The following EVI5 variants were observed in gnomAD, a reference collection of about 807,000 sequenced individuals.
EVI5 encodes ecotropic viral integration site 5.
In EVI5, 73 loss-of-function variants were observed where a neutral mutation model predicts 112.0. The ratio of observed to expected loss-of-function variants is 0.65; its 90% confidence interval spans 0.54 to 0.79. The LOEUF is 0.79. Among genes scored for constraint, EVI5 ranks in the 30% least tolerant of loss-of-function variants. The pLI is 0.00. For missense variants in EVI5, 900 were observed against 968.8 expected (o/e 0.93, Z 0.94); for synonymous variants, 305 against 319.9 (o/e 0.95, Z 0.50).
chr1:92,580,328 A>G (rs1362485140), intron 18 of EVI5: 3 of 152,250 alleles, frequency 2.0e-5, no homozygotes, highest in Non-Finnish European at 2.9e-5. Context: ...TATTGCATTC[A>G]TAACAACCAA....
intron 13 of EVI5, among the ~76,000 whole-genome samples, chr1:92,638,115 C>T (rs10874728): frequency 0.92 from 140,221 of 152,174 alleles, 64,688 homozygotes; most frequent in East Asian, 0.97. Flanking sequence ...GCAACTGTAG[C>T]ACAGGTTTGT....
chr1:92,522,646 A>AAAAAC (rs1661156600), intron 19 of EVI5, among the ~76,000 whole-genome samples: 1 of 151,596 alleles, frequency 6.6e-6, no homozygotes, highest in African/African-American at 2.4e-5. Flanking sequence ...AAAAAAAAAA[A>AAAAAC]AAAAAGAATT....
At chr1:92,738,474 A>C (rs570507842) in intron 1 of EVI5, among the ~76,000 whole-genome samples, 2 of 152,308 alleles carry the variant, frequency 1.3e-5, no homozygotes, top group East Asian at 3.9e-4. Context: ...CATTATATTA[A>C]ACTCCCCTAC....
chr1:92,685,041 T>C (rs948641045), intron 9 of EVI5, among the ~76,000 whole-genome samples: 1 of 151,882 alleles, frequency 6.6e-6, no homozygotes, highest in Non-Finnish European at 1.5e-5. Context: ...AACTCAGCTC[T>C]GGACCAAGCA....
chr1:92,511,537 T>A lies in EVI5; in HGVS notation c.*2119A>T, dbSNP rs1223564840. The A allele has an allele frequency of 6.6e-6, 1 of 152,084 alleles. No individual in the cohort carries two copies. The highest frequency in any genetic ancestry group is 2.4e-5 in the African/African-American group (1 of 41,402). 9.4% of individuals were successfully genotyped at this position (152,084 alleles called of 1,614,324 possible). A position where few individuals can be genotyped will look rare whatever the true frequency, so the allele number is the denominator to read the frequency against. On this transcript the variant is annotated 3_prime_UTR_variant, in exon 20 of 20. Transcript: ENST00000684568. ...GCTTTGGTGTTAGGGAGATCTAGGT[T>A]AAAATCTTGGCTCTTGCTGGGAGCA...
At chr1:92,537,060 A>C (rs931229280) in intron 19 of EVI5, among the ~76,000 whole-genome samples, 1 of 152,172 alleles carries the variant, frequency 6.6e-6, no homozygotes, top group Admixed American at 6.5e-5. Flanking sequence ...ACTTTCTGAG[A>C]TTCAAAAGAA....
intron 18 of EVI5, among the ~76,000 whole-genome samples, chr1:92,585,647 TA>T (rs997214977): frequency 3.3e-5 from 5 of 151,968 alleles, no homozygotes; most frequent in Non-Finnish European, 7.4e-5. Flanking sequence ...AAACTAGTTT[TA>T]AAAAAAATTA....
chr1:92,706,737 C>T (rs902778275), intron 2 of EVI5, among the ~76,000 whole-genome samples: 3 of 152,018 alleles, frequency 2.0e-5, no homozygotes, highest in African/African-American at 7.2e-5. Flanking sequence ...ATAGCACATC[C>T]AATTATACAA....
chr1:92,701,297 T>A (rs1026627496), intron 5 of EVI5, among the ~76,000 whole-genome samples: 1 of 152,184 alleles, frequency 6.6e-6, no homozygotes, highest in Non-Finnish European at 1.5e-5. Context: ...CTATCTCCTA[T>A]GAGCCAAACA....
intron 18 of EVI5, among the ~76,000 whole-genome samples, chr1:92,594,957 AC>A (rs1647317069): frequency 6.6e-6 from 1 of 152,254 alleles, no homozygotes; most frequent in African/African-American, 2.4e-5. Context: ...ACACTTGTAC[AC>A]TGTTGGTGGG....
At chr1:92,734,567 G>T (rs1055345054) in intron 2 of EVI5, among the ~76,000 whole-genome samples, 4 of 151,974 alleles carry the variant, frequency 2.6e-5, no homozygotes, top group Admixed American at 2.6e-4. Flanking sequence ...ACCTCCAACA[G>T]AAAATATTTC....
chr1:92,636,111 AC>A, intron 14 of EVI5, 90 bp downstream of exon 14: 1 of 1,059,238 alleles, frequency 9.4e-7, no homozygotes, highest in Non-Finnish European at 1.4e-6. Context: ...GTATAAAAAC[AC>A]CAAGTCAATT....
At chr1:92,708,245 A>C (rs985778499) in intron 2 of EVI5, among the ~76,000 whole-genome samples, 2 of 152,182 alleles carry the variant, frequency 1.3e-5, no homozygotes, top group Admixed American at 1.3e-4. Context: ...CTTGCGAATC[A>C]TAAGGGACTT....
At chr1:92,663,397 C>A in intron 12 of EVI5, 23 bp downstream of exon 12, 1 of 1,331,758 alleles carries the variant, frequency 7.5e-7, no homozygotes, top group Non-Finnish European at 1.0e-6. Flanking sequence ...TTTTAAAAAA[C>A]TAAAACAAAA....
chr1:92,782,116 G>A (rs1684943574), intron 1 of EVI5, among the ~76,000 whole-genome samples: 3 of 151,744 alleles, frequency 2.0e-5, no homozygotes, highest in Admixed American at 6.6e-5. Context: ...AAAATTAGCC[G>A]GGCATGGTGG....
chr1:92,685,210 A>G (rs997077006), intron 9 of EVI5, among the ~76,000 whole-genome samples: 7 of 152,222 alleles, frequency 4.6e-5, no homozygotes, highest in Non-Finnish European at 8.8e-5. Context: ...ACGGTCTCTC[A>G]GACAACAGTG....
intron 16 of EVI5, among the ~76,000 whole-genome samples, chr1:92,620,359 A>G (rs1050869646): frequency 2.0e-5 from 3 of 151,506 alleles, no homozygotes; most frequent in South Asian, 2.1e-4. Flanking sequence ...AAAAAAAAAA[A>G]AAAGAAAGAA....
At chr1:92,782,093 T>C (rs1178218973) in intron 1 of EVI5, among the ~76,000 whole-genome samples, 5 of 150,486 alleles carry the variant, frequency 3.3e-5, no homozygotes. Context: ...GCCCTGTCTC[T>C]ACTAAAAATA....
intron 19 of EVI5, among the ~76,000 whole-genome samples, chr1:92,549,145 C>T (rs1046291866): frequency 1.3e-5 from 2 of 152,022 alleles, no homozygotes; most frequent in Non-Finnish European, 2.9e-5. Context: ...GGTACCAAAA[C>T]AGAGATATAG....
Sources: gnomAD v4.1 joint callset for allele counts (sites outside exome capture counted in the v4.1 genomes callset) on GRCh38, gnomAD v4.1.1 for gene constraint, MANE v1.5 for transcripts, NCBI Gene and HGNC (gene_info 2026-07-23, HGNC 2026-07-21) for gene names.